The following PTPRJ variants were observed in gnomAD, a reference collection of about 807,000 sequenced individuals.
PTPRJ encodes the protein protein tyrosine phosphatase receptor type J, also known as receptor-type tyrosine-protein phosphatase eta.
PTPRJ carries 129 observed loss-of-function variants against 141.3 expected under a neutral mutation model. That is an observed-to-expected ratio of 0.91 (90% confidence interval 0.79 to 1.06). The LOEUF is 1.06. Among genes scored for constraint, PTPRJ ranks in the 50% least tolerant of loss-of-function variants. The pLI is 0.00. For missense variants in PTPRJ, 1,601 were observed against 1,679.7 expected, an observed-to-expected ratio of 0.95 and a Z score of 0.82; for synonymous variants, 610 against 640.5, an observed-to-expected ratio of 0.95 and a Z score of 0.72.
intron 8 of PTPRJ, chr11:48,132,760 C>T: frequency 2.1e-6 from 2 of 962,270 alleles, no homozygotes; most frequent in South Asian, 9.6e-5. Context: ...ATGAGTTACG[C>T]TTTTGAGATT....
chr11:48,049,515 TAAAACAAAACAAAACAAAACAAAAC>T (rs71457242), intron 1 of PTPRJ, among the ~76,000 whole-genome samples: 3 of 140,932 alleles, frequency 2.1e-5, no homozygotes, highest in Admixed American at 7.1e-5. Context: ...CCGTCTCTAC[TAAAACAAAACAAAACAAAACAAAAC>T]AAAACAAAAC....
At chr11:48,076,520 C>T (rs1442317052) in intron 1 of PTPRJ, among the ~76,000 whole-genome samples, 1 of 152,122 alleles carries the variant, frequency 6.6e-6, no homozygotes, top group Non-Finnish European at 1.5e-5. Context: ...GGTTCTTTCT[C>T]CTCATTTTTT....
intron 1 of PTPRJ, among the ~76,000 whole-genome samples, chr11:48,047,020 AT>A (rs910533379): frequency 7.0e-6 from 1 of 143,240 alleles, no homozygotes; most frequent in Non-Finnish European, 1.5e-5. Context: ...GGTTTAAGTG[AT>A]TCTCTTGCCT....
At chr11:48,070,051 C>T (rs190666643) in intron 1 of PTPRJ, among the ~76,000 whole-genome samples, 165 of 152,238 alleles carry the variant, frequency 1.1e-3, no homozygotes, top group African/African-American at 3.9e-3. Flanking sequence ...AAACATTCAC[C>T]ATATCTCAAT....
chr11:48,109,127 A>T (rs1368746002), intron 1 of PTPRJ, among the ~76,000 whole-genome samples: 1 of 152,048 alleles, frequency 6.6e-6, no homozygotes, highest in Non-Finnish European at 1.5e-5. Context: ...GCTCTAGGGG[A>T]GAATCAGTTT....
intron 1 of PTPRJ, among the ~76,000 whole-genome samples, chr11:48,109,310 A>G (rs1237879899): frequency 1.3e-5 from 2 of 152,104 alleles, no homozygotes; most frequent in Non-Finnish European, 2.9e-5. Flanking sequence ...ATTCACCAAA[A>G]AGGTGTGTTT....
chr11:48,023,114 G>T (rs1389988785), intron 1 of PTPRJ, among the ~76,000 whole-genome samples: 1 of 152,188 alleles, frequency 6.6e-6, no homozygotes, highest in Admixed American at 6.5e-5. Flanking sequence ...TTTGGATAAG[G>T]CAACCAGAGT....
At chr11:48,151,065 AG>A (rs1177045307) in intron 18 of PTPRJ, among the ~76,000 whole-genome samples, 1 of 152,160 alleles carries the variant, frequency 6.6e-6, no homozygotes, top group Non-Finnish European at 1.5e-5. Flanking sequence ...AACTGCTTGA[AG>A]GCAAGGGTTA....
chr11:48,039,007 G>A (rs370189238), intron 1 of PTPRJ, among the ~76,000 whole-genome samples: 2 of 151,618 alleles, frequency 1.3e-5, no homozygotes, highest in South Asian at 2.1e-4. Context: ...AAAATTAGCT[G>A]GGTGTGGTGG....
At position 48,022,735 on chromosome 11, in the gene PTPRJ, A is replaced by G. The variant is rs953494076; in HGVS notation, c.96+41727A>G. 8.8e-4 allele frequency among the ~76,000 whole-genome samples: 134 copies of G among 151,980 alleles called. 1 individual carries two copies. The highest frequency in any genetic ancestry group is 3.0e-3 in the African/African-American group (122 of 41,342). ...GCTTCTGGACCTCCATCCTTGCTTCAGCCAGAGCAGCGTGGGTTCATTTCA... is the reference window on the plus strand; with the variant it reads ...GCTTCTGGACCTCCATCCTTGCTTCGGCCAGAGCAGCGTGGGTTCATTTCA... On this transcript the variant is annotated intron_variant, in intron 1 of 24. Transcript: ENST00000418331.
At chr11:48,035,270 C>T (rs1365398214) in intron 1 of PTPRJ, among the ~76,000 whole-genome samples, 3 of 152,198 alleles carry the variant, frequency 2.0e-5, no homozygotes, top group African/African-American at 7.2e-5. Context: ...AGCTGTTAAT[C>T]GACCTGAGCC....
chr11:48,088,918 C>G (rs1855786248), intron 1 of PTPRJ, among the ~76,000 whole-genome samples: 1 of 152,170 alleles, frequency 6.6e-6, no homozygotes, highest in Admixed American at 6.5e-5. Flanking sequence ...TGGCTTCTGC[C>G]AAGTCAGCTC....
intron 1 of PTPRJ, among the ~76,000 whole-genome samples, chr11:48,097,969 GATGA>G (rs1856056268): frequency 6.6e-6 from 1 of 152,198 alleles, no homozygotes; most frequent in African/African-American, 2.4e-5. Flanking sequence ...CAGTGAAGGG[GATGA>G]ATGAATGAGT....
At chr11:48,010,105 C>G (rs1028921870) in intron 1 of PTPRJ, among the ~76,000 whole-genome samples, 17 of 152,204 alleles carry the variant, frequency 1.1e-4, no homozygotes, top group Admixed American at 9.2e-4. Flanking sequence ...CTCTGTCTCC[C>G]TAAATAGACG....
intron 2 of PTPRJ, among the ~76,000 whole-genome samples, 191 bp from the exon 3 acceptor site, chr11:48,112,556 A>G (rs1332589857): frequency 6.6e-6 from 1 of 152,054 alleles, no homozygotes; most frequent in Non-Finnish European, 1.5e-5. Context: ...GTGGCCAGGT[A>G]CTCTCCATGT....
intron 1 of PTPRJ, among the ~76,000 whole-genome samples, chr11:47,990,655 G>T (rs565603406): frequency 6.7e-6 from 1 of 150,068 alleles, no homozygotes; most frequent in African/African-American, 2.5e-5. Context: ...CAAGTGATCT[G>T]CCTGCCTTGG....
intron 1 of PTPRJ, among the ~76,000 whole-genome samples, chr11:48,005,331 T>C (rs1260473386): frequency 1.3e-5 from 2 of 152,274 alleles, no homozygotes; most frequent in South Asian, 2.1e-4. Context: ...AGAAACCCCA[T>C]GCCCACGAGT....
chr11:48,160,413 G>A (rs533759094), intron 22 of PTPRJ, among the ~76,000 whole-genome samples: 38 of 152,100 alleles, frequency 2.5e-4, no homozygotes, highest in Non-Finnish European at 4.6e-4. Flanking sequence ...CATCAGGAGC[G>A]GCCACTTGCT....
intron 21 of PTPRJ, 138 bp downstream of exon 21, chr11:48,156,257 G>T: frequency 7.0e-6 from 5 of 716,320 alleles, no homozygotes; most frequent in Middle Eastern, 4.1e-4. Flanking sequence ...CTTGTTTTCT[G>T]TCTTTTTTTC....
Sources: gnomAD v4.1 joint callset for allele counts (sites outside exome capture counted in the v4.1 genomes callset) on GRCh38, gnomAD v4.1.1 for gene constraint, MANE v1.5 for transcripts, NCBI Gene and HGNC (gene_info 2026-07-23, HGNC 2026-07-21) for gene names.